The following KCNN2 variants were observed in gnomAD, a reference collection of about 807,000 sequenced individuals.
KCNN2 encodes the protein small conductance calcium-activated potassium channel protein 2.
A neutral mutation model predicts 55.5 loss-of-function variants in KCNN2; 24 were observed. That is an observed-to-expected ratio of 0.43 (90% CI 0.31 to 0.61). KCNN2 has a LOEUF of 0.61. KCNN2 is among the 20% of genes least tolerant of loss of function. The pLI, the probability that KCNN2 is intolerant of heterozygous loss-of-function variation, is 0.08. For synonymous variants in KCNN2, 431 were observed against 336.1 expected (o/e 1.28, Z -3.09); for missense variants, 754 against 853.6 (o/e 0.88, Z 1.45).
intron 2 of KCNN2, among the ~76,000 whole-genome samples, chr5:114,294,235 T>C (rs376275492): frequency 2.6e-5 from 4 of 151,778 alleles, no homozygotes; most frequent in South Asian, 2.1e-4. Context: ...CTTCTGCTAG[T>C]TTTTGAATGT....
chr5:114,418,843 C>A (rs1759384426), intron 3 of KCNN2, among the ~76,000 whole-genome samples: 1 of 152,206 alleles, frequency 6.6e-6, no homozygotes, highest in Non-Finnish European at 1.5e-5. Context: ...TCTGCAGATG[C>A]TGCTCACTAA....
intron 2 of KCNN2, among the ~76,000 whole-genome samples, chr5:114,314,379 T>G (rs1756459326): frequency 6.6e-6 from 1 of 152,158 alleles, no homozygotes; most frequent in Non-Finnish European, 1.5e-5. Context: ...TGTTGCACTG[T>G]TCTATGGCTT....
intron 2 of KCNN2, among the ~76,000 whole-genome samples, chr5:114,397,090 TAC>T (rs1377238424): frequency 1.3e-5 from 2 of 152,218 alleles, no homozygotes; most frequent in Non-Finnish European, 2.9e-5. Flanking sequence ...TTCCATAGTG[TAC>T]ACATACCATA....
At chr5:114,132,239 T>C (rs776395327) in intron 1 of KCNN2, among the ~76,000 whole-genome samples, 2 of 152,234 alleles carry the variant, frequency 1.3e-5, no homozygotes, top group Non-Finnish European at 2.9e-5. Flanking sequence ...GCCTAGATTT[T>C]CTTCTAGGGC....
chr5:114,383,464 C>CTTTTTT (rs66787954), intron 2 of KCNN2, among the ~76,000 whole-genome samples: 8 of 102,694 alleles, frequency 7.8e-5, no homozygotes, highest in Non-Finnish European at 1.1e-4. Context: ...CCACTAAATG[C>CTTTTTT]TTTTTTTTTT....
At chr5:114,376,547 A>G (rs1231731973) in intron 2 of KCNN2, among the ~76,000 whole-genome samples, 2 of 152,232 alleles carry the variant, frequency 1.3e-5, no homozygotes, top group Non-Finnish European at 2.9e-5. Flanking sequence ...ATGGTGAGAA[A>G]CGATAGGCTC....
At chr5:114,340,721 G>C (rs1271353702) in intron 2 of KCNN2, among the ~76,000 whole-genome samples, 4 of 151,758 alleles carry the variant, frequency 2.6e-5, no homozygotes, top group African/African-American at 9.7e-5. Context: ...TACTCTCTTA[G>C]CAAACTTCAA....
intron 3 of KCNN2, among the ~76,000 whole-genome samples, chr5:114,420,241 G>A (rs763475087): frequency 1.1e-4 from 17 of 152,236 alleles, no homozygotes; most frequent in Non-Finnish European, 2.4e-4. Flanking sequence ...CCTTTCCTTT[G>A]ACTAGGGAAA....
At chr5:114,098,490 T>A (rs1751308274) in intron 1 of KCNN2, among the ~76,000 whole-genome samples, 1 of 152,026 alleles carries the variant, frequency 6.6e-6, no homozygotes, top group African/African-American at 2.4e-5. Flanking sequence ...CACAGGAACA[T>A]GAACCCTATT....
In KCNN2 at chr5:114,487,057, A is replaced by C; in HGVS notation, c.1898A>C (p.Asn633Thr). Residue 633 changes from asparagine (N) to threonine (T), a missense_variant, in exon 6 of 8, where the codon AAT becomes ACT. Asn to Thr is a moderately conservative substitution (Grantham distance 65). Around this residue, in one of 4 missense-constraint regions of KCNN2, gnomAD observed 86 missense variants for 233.0 expected, o/e 0.37. Transcript: ENST00000673685. ...TGTTTGTTCTCTTAACAGGTAAAAA[A>C]TGCAGCTGCCAATGTACTCAGGGAA... Reference protein sequence around the residue: ...MDTQLTKRVKNAAANVLRETW... With the variant: ...MDTQLTKRVKTAAANVLRETW... The C allele has an allele frequency of 5.0e-6, 8 of 1,613,026 alleles. No homozygotes were observed. The highest frequency in any genetic ancestry group is 6.8e-6 in the Non-Finnish European group (8 of 1,179,334).
chr5:114,490,806 G>A (rs556972931), intron 6 of KCNN2: 2 of 397,622 alleles, frequency 5.0e-6, no homozygotes, highest in South Asian at 1.3e-4. Flanking sequence ...TTGCTGCTAT[G>A]GAAATGTGAT....
At chr5:114,262,635 T>C (rs1755131137) in intron 2 of KCNN2, among the ~76,000 whole-genome samples, 1 of 152,236 alleles carries the variant, frequency 6.6e-6, no homozygotes, top group South Asian at 2.1e-4. Flanking sequence ...TAATTTTAAA[T>C]TAAATTCTTC....
At chr5:114,257,069 CTGCATATAACTAT>C (rs1754996495) in intron 2 of KCNN2, among the ~76,000 whole-genome samples, 1 of 51,702 alleles carries the variant, frequency 1.9e-5, no homozygotes, top group Admixed American at 2.1e-4. Flanking sequence ...TTTCATTCTT[CTGCATATAACTAT>C]TTAATATTCC....
chr5:114,172,072 A>G (rs1753044392), intron 1 of KCNN2, among the ~76,000 whole-genome samples: 2 of 152,002 alleles, frequency 1.3e-5, no homozygotes, highest in Non-Finnish European at 2.9e-5. Flanking sequence ...AAGGGAAGGG[A>G]AGTTTCTACA....
intron 1 of KCNN2, among the ~76,000 whole-genome samples, chr5:114,173,317 GT>G (rs1282893999): frequency 1.3e-5 from 2 of 151,938 alleles, no homozygotes; most frequent in Non-Finnish European, 2.9e-5. Flanking sequence ...GTGCCATGCT[GT>G]TTTGTTTACT....
chr5:114,348,738 A>G (rs1580738194), intron 2 of KCNN2, among the ~76,000 whole-genome samples: 1 of 152,200 alleles, frequency 6.6e-6, no homozygotes, highest in African/African-American at 2.4e-5. Flanking sequence ...CTTAAAATGC[A>G]TAGATGATAG....
intron 1 of KCNN2, among the ~76,000 whole-genome samples, chr5:114,191,931 A>G (rs1316002600): frequency 2.0e-5 from 3 of 152,306 alleles, no homozygotes. Context: ...TGTGGTAAGA[A>G]TGGATCTCCC....
intron 2 of KCNN2, among the ~76,000 whole-genome samples, chr5:114,283,557 A>T (rs1247225355): frequency 1.3e-5 from 2 of 152,218 alleles, no homozygotes; most frequent in East Asian, 3.9e-4. Context: ...GTTGGTACTG[A>T]TTTTGACTAT....
chr5:114,180,308 C>T (rs2112552487), intron 1 of KCNN2, among the ~76,000 whole-genome samples: 1 of 152,182 alleles, frequency 6.6e-6, no homozygotes, highest in Middle Eastern at 3.4e-3. Context: ...ACTGAAATTA[C>T]TGTATTTAAG....
Sources: gnomAD v4.1 joint callset for allele counts (sites outside exome capture counted in the v4.1 genomes callset) on GRCh38, gnomAD v4.1.1 for gene constraint, gnomAD v4.1.1 regional missense constraint, MANE v1.5 for transcripts, NCBI Gene and HGNC (gene_info 2026-07-23, HGNC 2026-07-21) for gene names.